Variants in RTTN observed in about 807,000 individuals in gnomAD.
The protein encoded by RTTN is rotatin.
A neutral mutation model predicts 269.2 loss-of-function variants in RTTN; 182 were observed. The ratio of observed to expected loss-of-function variants is 0.68; its 90% CI spans 0.60 to 0.76. RTTN has a LOEUF of 0.76. RTTN is among the 30% of genes least tolerant of loss of function. The pLI is 0.00. For synonymous variants in RTTN, 1,006 were observed against 963.5 expected (o/e 1.04, Z -0.82); for missense variants, 2,545 against 2,608.6 (o/e 0.98, Z 0.53).
At chr18:70,067,425 C>A (rs1007243449) in intron 34 of RTTN, among the ~76,000 whole-genome samples, 4 of 152,188 alleles carry the variant, frequency 2.6e-5, no homozygotes, top group Non-Finnish European at 5.9e-5. Context: ...TCCCAAAGTG[C>A]TGGGATTACA....
intron 36 of RTTN, among the ~76,000 whole-genome samples, chr18:70,059,358 A>G (rs2057910236): frequency 6.6e-6 from 1 of 152,222 alleles, no homozygotes; most frequent in Non-Finnish European, 1.5e-5. Flanking sequence ...AAAAATTCAA[A>G]TAATTTTTCT....
rs1368321237 is a variant in RTTN, at chr18:70,029,984, T to C, written c.5745+28A>G. The C allele has an allele frequency of 6.7e-6, 10 of 1,502,242 alleles. No individual in the cohort carries two copies. The African/African-American group carries it at 1.4e-4, about 21-fold the overall frequency. The allele number at this position is 1,502,242 out of a possible 1,614,324, so 93.1% of individuals were successfully genotyped here. ...AGGACTGGAGAATGGTCTCTATATA[T>C]AGCCATTCATTTATCCCAGAATGTT... On this transcript the variant is annotated intron_variant, in intron 42 of 48. Coordinates refer to ENST00000640769, the MANE Select transcript of RTTN (RefSeq NM_173630.4).
intron 18 of RTTN, among the ~76,000 whole-genome samples, chr18:70,142,892 G>T (rs763327338): frequency 1.3e-5 from 2 of 152,164 alleles, no homozygotes; most frequent in African/African-American, 2.4e-5. Flanking sequence ...GGGTGTGGTA[G>T]TACACACCTG....
Position 70,092,813 on chromosome 18 carries a change from C to G in RTTN, c.3904-9G>C. On this transcript the variant is annotated splice_polypyrimidine_tract_variant and intron_variant, in intron 28 of 48. Transcript: ENST00000640769. ...TAAAAAGAAGTAATGACCTGAAAAA[C>G]AAATGTAAACAATTTCATGGTGGCT... is the stretch of plus-strand genomic sequence containing the variant. 1 of 1,595,662 alleles carries G rather than the reference C, an allele frequency of 6.3e-7. No individual in the cohort carries two copies. Among genetic ancestry groups the G allele is most frequent in the African/African-American group, 1.3e-5 (1 of 74,740 alleles).
Position 70,065,618 on chromosome 18 carries a change from TG to T in RTTN, c.4747+210del, listed in dbSNP as rs1185744365. On this transcript the variant is annotated intron_variant, in intron 35 of 48. Transcript: ENST00000640769. ...GCCTAATAAGGAGCCACACAGGAAT[TG>T]GACTATTTATTTAAGAGCCAAATTC... 2.0e-5 allele frequency among the ~76,000 whole-genome samples: 3 copies of T among 152,332 alleles called. No individual in the cohort carries two copies. In the East Asian group the frequency reaches 5.8e-4, roughly 29 times the overall value.
chr18:70,048,596 A>G (rs183017488), intron 39 of RTTN, among the ~76,000 whole-genome samples: 182 of 151,514 alleles, frequency 1.2e-3, no homozygotes, highest in Admixed American at 4.6e-3. Flanking sequence ...TGGATTTATA[A>G]TTTTGTTTGA....
At position 70,051,567 on chromosome 18, in the gene RTTN, C is replaced by T. The variant is rs2057670092; in HGVS notation, c.5186-19G>A. ...TCTTTATCTATAAAATTAATCAAAA[C>T]ACTTCAAGTTATTAACACAAAGAAG... On this transcript the variant is annotated intron_variant, in intron 38 of 48. Transcript: ENST00000640769. The T allele has an allele frequency of 6.4e-7, 1 of 1,556,594 alleles. No homozygotes were observed. The highest frequency in any genetic ancestry group is 1.4e-5 in the African/African-American group (1 of 72,614).
rs542838281 is a variant in RTTN at position 70,162,457 on chromosome 18, C to T, written c.1929+3605G>A. ...CATAAGGAAAGAAGTTTAATTGACT[C>T]ACAGTTCTGCATGGCTGAGGAAGTC... On this transcript the variant is annotated intron_variant, in intron 14 of 48. Transcript: ENST00000640769. Among the ~76,000 whole-genome samples, 348 of 152,280 alleles carry T rather than the reference C, an allele frequency of 2.3e-3. 1 individual carries two copies. The highest frequency in any genetic ancestry group is 8.0e-3 in the African/African-American group (334 of 41,540).
intron 34 of RTTN, among the ~76,000 whole-genome samples, chr18:70,070,878 A>G (rs1443119896): frequency 6.6e-6 from 1 of 152,222 alleles, no homozygotes; most frequent in East Asian, 1.9e-4. Context: ...AATCCTAAGG[A>G]ATATTTGAAT....
intron 28 of RTTN, among the ~76,000 whole-genome samples, chr18:70,107,783 G>A (rs1024149657): frequency 6.6e-6 from 1 of 152,040 alleles, no homozygotes; most frequent in Non-Finnish European, 1.5e-5. Flanking sequence ...AATTGAGAAA[G>A]GAATAATTAA....
At chr18:70,151,555 C>A (rs2060538886) in intron 14 of RTTN, among the ~76,000 whole-genome samples, 1 of 152,064 alleles carries the variant, frequency 6.6e-6, no homozygotes, top group Non-Finnish European at 1.5e-5. Context: ...CAAAAAGTTA[C>A]ACACATACAC....
rs181374974 is a variant in RTTN, at chr18:70,162,678, G to A, written c.1929+3384C>T. Among the ~76,000 whole-genome samples, 504 of 152,070 alleles carry A rather than the reference G, an allele frequency of 3.3e-3. 1 individual carries two copies. Among genetic ancestry groups the A allele is most frequent in the Admixed American group, 0.011 (162 of 15,290 alleles). On this transcript the variant is annotated intron_variant, in intron 14 of 48. Coordinates refer to ENST00000640769, the MANE Select transcript of RTTN (RefSeq NM_173630.4). ...TCCCACTGGGTCCCTCCCACGACAC[G>A]TGGGGATTACAGAATTACAATTCAA...
At chr18:70,168,189 T>G (rs1005110348) in intron 12 of RTTN, among the ~76,000 whole-genome samples, 1 of 152,114 alleles carries the variant, frequency 6.6e-6, no homozygotes, top group Non-Finnish European at 1.5e-5. Context: ...AGTAAGAATT[T>G]TATCCCTAAT....
chr18:70,075,091 A>G (rs537758376), intron 33 of RTTN: 8 of 270,810 alleles, frequency 3.0e-5, no homozygotes, highest in Non-Finnish European at 4.7e-5. Flanking sequence ...TATAACATAG[A>G]AAAATGCTTG....
intron 40 of RTTN, among the ~76,000 whole-genome samples, chr18:70,040,393 G>T (rs1227656522): frequency 6.6e-6 from 1 of 152,262 alleles, no homozygotes. Context: ...ATTATATAAT[G>T]ATAATGCAGT....
intron 30 of RTTN, among the ~76,000 whole-genome samples, chr18:70,088,780 T>C (rs2058767092): frequency 6.6e-6 from 1 of 152,176 alleles, no homozygotes; most frequent in South Asian, 2.1e-4. Flanking sequence ...CATAAAATTG[T>C]CAAGTAGTAA....
intron 11 of RTTN, among the ~76,000 whole-genome samples, chr18:70,171,883 G>A (rs1453374087): frequency 1.3e-5 from 2 of 152,190 alleles, no homozygotes; most frequent in Admixed American, 1.3e-4. Flanking sequence ...TGATCTGTTT[G>A]AACATTACCG....
At chr18:70,089,875 G>A (rs1191555013) in intron 30 of RTTN, among the ~76,000 whole-genome samples, 1 of 152,072 alleles carries the variant, frequency 6.6e-6, no homozygotes, top group Non-Finnish European at 1.5e-5. Context: ...AAATGCAAAG[G>A]GAGAGAGATG....
At chr18:70,141,803 G>T (rs947987849) in intron 19 of RTTN, among the ~76,000 whole-genome samples, 36 of 151,934 alleles carry the variant, frequency 2.4e-4, no homozygotes, top group African/African-American at 8.5e-4. Flanking sequence ...TAAAGAAAAG[G>T]CATAGCTACA....
Sources: allele counts gnomAD v4.1 joint callset (sites outside exome capture counted in the v4.1 genomes callset), GRCh38; gene constraint gnomAD v4.1.1; transcripts MANE v1.5; gene names NCBI Gene and HGNC (gene_info 2026-07-23, HGNC 2026-07-21).